PEAK1: variants seen among roughly 807,000 people sequenced by gnomAD.
The protein encoded by PEAK1 is inactive tyrosine-protein kinase PEAK1.
In PEAK1, 54 loss-of-function variants were observed where a neutral mutation model predicts 124.7. The ratio of observed to expected loss-of-function variants is 0.43; its 90% CI spans 0.35 to 0.54. PEAK1 has a LOEUF of 0.54. Among genes scored for constraint, PEAK1 ranks in the 20% least tolerant of loss-of-function variants. The probability of loss-of-function intolerance (pLI) is 0.01; values close to 1 mark genes in which losing one functional copy is unlikely to be tolerated. For synonymous variants in PEAK1, 719 were observed against 760.0 expected, an observed-to-expected ratio of 0.95 and a Z score of 0.89; for missense variants, 2,046 against 2,134.5, an observed-to-expected ratio of 0.96 and a Z score of 0.82.
exon 7 of PEAK1, chr15:77,101,008 G>T (rs988529344): frequency 2.0e-5 from 3 of 152,292 alleles, no homozygotes; most frequent in Middle Eastern, 3.1e-3. Context: ...GAGGGAGGGG[G>T]TGCTTCGGGA....
intron 2 of PEAK1, among the ~76,000 whole-genome samples, chr15:77,307,907 A>G (rs192036913): frequency 2.0e-5 from 3 of 152,146 alleles, no homozygotes; most frequent in Admixed American, 6.5e-5. Context: ...GAAGGAATCA[A>G]TAAGACCTCT....
chr15:77,341,367 G>T (rs1358502052), intron 2 of PEAK1, among the ~76,000 whole-genome samples: 1 of 152,064 alleles, frequency 6.6e-6, no homozygotes, highest in Non-Finnish European at 1.5e-5. Flanking sequence ...GGGCATAGTG[G>T]CACGTGACTG....
At chr15:77,134,601 C>T (rs1359068923) in intron 8 of PEAK1, among the ~76,000 whole-genome samples, 1 of 152,184 alleles carries the variant, frequency 6.6e-6, no homozygotes, top group Non-Finnish European at 1.5e-5. Context: ...AAAGATAAAA[C>T]ACATGTGTGT....
At chr15:77,235,203 G>C (rs1053386495) in intron 6 of PEAK1, among the ~76,000 whole-genome samples, 5 of 151,926 alleles carry the variant, frequency 3.3e-5, no homozygotes, top group African/African-American at 1.2e-4. Context: ...TTGGTACCAA[G>C]GTCACAGGGG....
At chr15:77,116,744 CTA>C (rs2051422374) in intron 9 of PEAK1, among the ~76,000 whole-genome samples, 4 of 145,930 alleles carry the variant, frequency 2.7e-5, no homozygotes, top group Non-Finnish European at 1.5e-5. Flanking sequence ...ATCTATCTAT[CTA>C]TCTATCTATA....
chr15:77,381,560 T>C, intron 1 of PEAK1: 1 of 754,658 alleles, frequency 1.3e-6, no homozygotes, highest in Non-Finnish European at 1.6e-6. Context: ...ACAGAAAGGT[T>C]CACTTGTAAG....
intron 6 of PEAK1, among the ~76,000 whole-genome samples, chr15:77,183,232 T>C (rs1451434973): frequency 6.6e-6 from 1 of 152,204 alleles, no homozygotes; most frequent in Non-Finnish European, 1.5e-5. Context: ...CCAGTCACAC[T>C]CATTTGTTTA....
At chr15:77,254,389 A>T (rs2061028841) in intron 5 of PEAK1, among the ~76,000 whole-genome samples, 1 of 151,514 alleles carries the variant, frequency 6.6e-6, no homozygotes, top group Non-Finnish European at 1.5e-5. Context: ...CTTTATTCTT[A>T]TTTTTTATTT....
Position 77,180,454 on chromosome 15 carries a change from G to C in PEAK1, c.1473C>G (p.Gly491=). The part of the protein sequence containing the change: ...SAAMASEHLE[G]PVNSPKTKSS... ...TTTTTGTCTTGGGGCTGTTAACAGGGCCCTCGAGGTGCTCACTGGCCATGG... is the reference window on the plus strand; with the variant it reads ...TTTTTGTCTTGGGGCTGTTAACAGGCCCCTCGAGGTGCTCACTGGCCATGG... Residue 491 remains glycine (G), a synonymous_variant, in exon 7 of 10, where the codon GGC becomes GGG. Coordinates refer to ENST00000682557, the MANE Select transcript of PEAK1 (RefSeq NM_001385026.1). The C allele has an allele frequency of 6.2e-7, 1 of 1,614,088 alleles. No homozygotes were observed.
chr15:77,414,156 CCTTCT>C (rs1009726505), intron 1 of PEAK1, among the ~76,000 whole-genome samples: 2 of 151,488 alleles, frequency 1.3e-5, no homozygotes, highest in African/African-American at 4.9e-5. Flanking sequence ...TTCCTTCCTT[CCTTCT>C]TTCTCTTTCC....
intron 2 of PEAK1, among the ~76,000 whole-genome samples, chr15:77,360,444 T>C (rs909360256): frequency 1.3e-5 from 2 of 152,120 alleles, no homozygotes; most frequent in African/African-American, 4.8e-5. Context: ...TAGGAGAAAA[T>C]ATTTGTAAAT....
At chr15:77,404,828 T>C in intron 1 of PEAK1, 1 of 955,632 alleles carries the variant, frequency 1.0e-6, no homozygotes, top group Non-Finnish European at 1.2e-6. Context: ...ACTTATCGAA[T>C]GTAACTTAGC....
intron 1 of PEAK1, chr15:77,403,080 T>C: frequency 1.0e-6 from 1 of 985,354 alleles, no homozygotes; most frequent in South Asian, 4.7e-5. Context: ...TCTCTCATCA[T>C]TATAGAAATA....
At chr15:77,371,892 AAAT>A (rs1216932647) in intron 1 of PEAK1, among the ~76,000 whole-genome samples, 1 of 152,246 alleles carries the variant, frequency 6.6e-6, no homozygotes, top group Non-Finnish European at 1.5e-5. Context: ...CCAAAAAAAT[AAAT>A]AAAACTAAAA....
intron 2 of PEAK1, chr15:77,351,919 A>AT: frequency 3.0e-6 from 3 of 985,412 alleles, no homozygotes; most frequent in Non-Finnish European, 3.6e-6. Context: ...TGGTAGACCT[A>AT]TTATAAGATT....
intron 7 of PEAK1, among the ~76,000 whole-genome samples, chr15:77,160,595 G>A (rs949577220): frequency 2.6e-5 from 4 of 152,076 alleles, no homozygotes; most frequent in African/African-American, 9.7e-5. Flanking sequence ...AGAATCTCTT[G>A]AACCTGGGAG....
At chr15:77,279,079 C>T (rs2152964419) in intron 5 of PEAK1, among the ~76,000 whole-genome samples, 1 of 150,258 alleles carries the variant, frequency 6.7e-6, no homozygotes, top group East Asian at 1.9e-4. Flanking sequence ...CCGGCTGCCT[C>T]AGCCTCCCAA....
At chr15:77,260,406 C>A (rs1035636681) in intron 5 of PEAK1, among the ~76,000 whole-genome samples, 7 of 151,790 alleles carry the variant, frequency 4.6e-5, no homozygotes, top group Non-Finnish European at 7.4e-5. Context: ...AAATGTGGCC[C>A]ATAACCAGAA....
intron 5 of PEAK1, among the ~76,000 whole-genome samples, chr15:77,263,425 C>T (rs2061545733): frequency 6.6e-6 from 1 of 152,102 alleles, no homozygotes. Flanking sequence ...AACGGGATAT[C>T]ACCACCGATC....
Sources: gnomAD v4.1 joint callset for allele counts (sites outside exome capture counted in the v4.1 genomes callset) on GRCh38, gnomAD v4.1.1 for gene constraint, MANE v1.5 for transcripts, NCBI Gene and HGNC (gene_info 2026-07-23, HGNC 2026-07-21) for gene names.